NCOA2: variants seen among roughly 807,000 people sequenced by gnomAD.
The protein encoded by NCOA2 is class E basic helix-loop-helix protein 75.
Under a neutral mutation model 145.1 loss-of-function variants are expected in NCOA2, and 21 were observed. The ratio of observed to expected loss-of-function variants is 0.14; its 90% CI spans 0.10 to 0.21. NCOA2 has a LOEUF of 0.21. Among genes scored for constraint, NCOA2 ranks in the 10% least tolerant of loss-of-function variants. NCOA2 has a pLI of 1.00. For synonymous variants in NCOA2, 619 were observed against 637.5 expected (o/e 0.97, Z 0.44); for missense variants, 1,472 against 1,837.6 (o/e 0.80, Z 3.64).
chr8:70,314,180 CAAAAAAAAAAAAAAA>C (rs61028027), intron 1 of NCOA2, among the ~76,000 whole-genome samples: 16 of 17,202 alleles, frequency 9.3e-4, no homozygotes, highest in Admixed American at 2.2e-3. Flanking sequence ...ACTCTGACTC[CAAAAAAAAAAAAAAA>C]AAAAAAAAAA....
At chr8:70,439,549 T>C in the NCOA2 span, among the ~76,000 whole-genome samples, 1 of 152,238 alleles carries the variant, frequency 6.6e-6, no homozygotes, top group Non-Finnish European at 1.5e-5. Context: ...GCAAGTTCTA[T>C]GTGCTATGAG....
chr8:70,440,526 AT>A, the NCOA2 span, among the ~76,000 whole-genome samples: 5 of 151,856 alleles, frequency 3.3e-5, no homozygotes, highest in Admixed American at 3.3e-4. Context: ...GTGGGCCGAG[AT>A]GCGCCACTGC....
chr8:70,328,240 C>T (rs908642699), intron 1 of NCOA2, among the ~76,000 whole-genome samples: 1 of 152,122 alleles, frequency 6.6e-6, no homozygotes, highest in African/African-American at 2.4e-5. Flanking sequence ...TTATGTAAAC[C>T]ATCGAATGAA....
chr8:70,223,043 A>T (rs1820298762), intron 2 of NCOA2, among the ~76,000 whole-genome samples: 1 of 152,230 alleles, frequency 6.6e-6, no homozygotes, highest in Admixed American at 6.5e-5. Context: ...ATGAGGCCTC[A>T]GATGAGAAAA....
chr8:70,155,446 AT>A (rs537631230), intron 11 of NCOA2, among the ~76,000 whole-genome samples: 47 of 152,356 alleles, frequency 3.1e-4, no homozygotes, highest in Admixed American at 1.0e-3. Flanking sequence ...ATTATCTCCA[AT>A]TCAGGCAGCT....
At chr8:70,358,250 G>A (rs1015997479) in intron 1 of NCOA2, among the ~76,000 whole-genome samples, 63 of 152,216 alleles carry the variant, frequency 4.1e-4, no homozygotes, top group African/African-American at 1.5e-3. Flanking sequence ...TAATAGAAAT[G>A]AGAGCCAACC....
intron 21 of NCOA2, among the ~76,000 whole-genome samples, chr8:70,121,931 G>C (rs1807864739): frequency 6.6e-6 from 1 of 152,220 alleles, no homozygotes; most frequent in Admixed American, 6.5e-5. Flanking sequence ...ATAGAATAAT[G>C]ATTTTTGTAG....
chr8:70,356,735 C>A (rs1809732227), intron 1 of NCOA2, among the ~76,000 whole-genome samples: 1 of 152,204 alleles, frequency 6.6e-6, no homozygotes, highest in African/African-American at 2.4e-5. Flanking sequence ...ATAACTTCAC[C>A]TTACAATACT....
At chr8:70,223,460 T>C (rs995242167) in intron 2 of NCOA2, among the ~76,000 whole-genome samples, 1 of 152,216 alleles carries the variant, frequency 6.6e-6, no homozygotes, top group African/African-American at 2.4e-5. Flanking sequence ...TTTGCTAACA[T>C]TTATTGAAGA....
intron 1 of NCOA2, among the ~76,000 whole-genome samples, chr8:70,346,633 C>T (rs1808674057): frequency 6.6e-6 from 1 of 152,190 alleles, no homozygotes; most frequent in South Asian, 2.1e-4. Context: ...TCTGAGTGTA[C>T]ATTATTCGCC....
At chr8:70,188,617 A>G (rs925548521) in intron 4 of NCOA2, among the ~76,000 whole-genome samples, 1 of 152,202 alleles carries the variant, frequency 6.6e-6, no homozygotes, top group Non-Finnish European at 1.5e-5. Flanking sequence ...CAAATTACAA[A>G]TAAAAACTAG....
intron 2 of NCOA2, among the ~76,000 whole-genome samples, chr8:70,293,073 G>T (rs1028775724): frequency 6.6e-6 from 1 of 152,148 alleles, no homozygotes; most frequent in Non-Finnish European, 1.5e-5. Context: ...ACAGATGACA[G>T]TGCCTACCAT....
At chr8:70,305,190 T>A (rs1208008178) in intron 1 of NCOA2, among the ~76,000 whole-genome samples, 1 of 151,612 alleles carries the variant, frequency 6.6e-6, no homozygotes, top group African/African-American at 2.4e-5. Flanking sequence ...CCAGCCAACA[T>A]TAACATTATA....
chr8:70,153,577 G>T (rs1051373357), intron 11 of NCOA2, among the ~76,000 whole-genome samples: 23 of 152,222 alleles, frequency 1.5e-4, no homozygotes, highest in African/African-American at 4.1e-4. Flanking sequence ...GCCTGGCCAC[G>T]TTAGACACTA....
chr8:70,441,386 AAG>A, the NCOA2 span, among the ~76,000 whole-genome samples: 5 of 70,886 alleles, frequency 7.1e-5, no homozygotes, highest in African/African-American at 1.5e-4. Context: ...AGAAAGAAGA[AAG>A]AGAAAGAAAG....
chr8:70,363,079 T>TAAAAC lies in NCOA2; in HGVS notation c.-77+40620_-77+40621insGTTTT, dbSNP rs1387666196. Among the ~76,000 whole-genome samples the TAAAAC allele has an allele frequency of 5.9e-3, 591 of 99,786 alleles. 5 individuals carry two copies. Among genetic ancestry groups the TAAAAC allele is most frequent in the African/African-American group, 0.022 (545 of 24,444 alleles). 65.5% of individuals were successfully genotyped at this position (99,786 alleles called of 152,430 possible). A position where few individuals can be genotyped will look rare whatever the true frequency, so the allele number is the denominator to read the frequency against. ...GTTGACAGAGTTAAGACTCTGTCTTTAAAAAAAAAAAAAAAAAAAAAAGGC... is the reference window on the plus strand; with the variant it reads ...GTTGACAGAGTTAAGACTCTGTCTTTAAAACAAAAAAAAAAAAAAAAAAAAAAGGC... On this transcript the variant is annotated intron_variant, in intron 1 of 22. Coordinates refer to ENST00000452400, the MANE Select transcript of NCOA2 (RefSeq NM_006540.4).
At chr8:70,371,433 G>A (rs759256688) in intron 1 of NCOA2, among the ~76,000 whole-genome samples, 1 of 151,930 alleles carries the variant, frequency 6.6e-6, no homozygotes, top group Non-Finnish European at 1.5e-5. Context: ...GGTAAGAATA[G>A]CACAGAATAA....
chr8:70,334,239 TC>T (rs1396554199), intron 1 of NCOA2, among the ~76,000 whole-genome samples: 2 of 152,196 alleles, frequency 1.3e-5, no homozygotes, highest in African/African-American at 4.8e-5. Context: ...ATCAGCCGTA[TC>T]ACTGAACAAT....
At chr8:70,219,641 T>TG (rs1179628307) in intron 2 of NCOA2, among the ~76,000 whole-genome samples, 1 of 148,346 alleles carries the variant, frequency 6.7e-6, no homozygotes, top group Admixed American at 6.7e-5. Flanking sequence ...AGACCAAAAG[T>TG]GGGGGGAGCG....
Sources: gnomAD v4.1 joint callset for allele counts (sites outside exome capture counted in the v4.1 genomes callset) on GRCh38, gnomAD v4.1.1 for gene constraint, MANE v1.5 for transcripts, NCBI Gene and HGNC (gene_info 2026-07-23, HGNC 2026-07-21) for gene names.